The following ZNF195 variants were observed in gnomAD, a reference collection of about 807,000 sequenced individuals.
ZNF195 encodes zinc finger protein 195, also known as hypoxia-regulated factor-1.
ZNF195 carries 11 observed loss-of-function variants against 19.5 expected under a neutral mutation model. That is an observed-to-expected ratio of 0.57 (90% CI 0.36 to 0.94). The LOEUF (loss-of-function observed/expected upper bound fraction) is 0.94. Ranked by LOEUF, ZNF195 falls within the 40% of genes least tolerant of loss-of-function variation. The probability of loss-of-function intolerance (pLI) is 0.01; values close to 1 mark genes in which losing one functional copy is unlikely to be tolerated. For synonymous variants in ZNF195, 214 were observed against 248.1 expected, an observed-to-expected ratio of 0.86 and a Z score of 1.29; for missense variants, 582 against 709.0, an observed-to-expected ratio of 0.82 and a Z score of 2.03.
At chr11:3,377,620 T>C in intron 1 of ZNF195, 2 of 1,227,880 alleles carry the variant, frequency 1.6e-6, no homozygotes, top group Admixed American at 2.7e-5. Context: ...TGGTTACCTC[T>C]TTAGAGGAAG....
At chr11:3,361,719 A>G (rs1390194117) in intron 4 of ZNF195, 24 bp downstream of exon 4, 2 of 1,300,450 alleles carry the variant, frequency 1.5e-6, no homozygotes, top group East Asian at 1.1e-4. Flanking sequence ...GTGAAAAGCA[A>G]GGTACATGCT....
chr11:3,366,473 A>G (rs1848891539), intron 3 of ZNF195, among the ~76,000 whole-genome samples: 1 of 152,068 alleles, frequency 6.6e-6, no homozygotes, highest in African/African-American at 2.4e-5. Flanking sequence ...CAGAGTATAT[A>G]AGGAACTTTT....
rs145182698 is a variant in ZNF195, at chr11:3,362,023, C to T, written c.227-134G>A. The T allele has an allele frequency of 1.7e-3, 742 of 448,228 alleles. 5 individuals are homozygous for T. The highest frequency in any genetic ancestry group is 0.012 in the African/African-American group (622 of 49,846). The allele number at this position is 448,228 out of a possible 1,614,324, so 27.8% of individuals were successfully genotyped here. On this transcript the variant is annotated intron_variant, in intron 3 of 5. Transcript: ENST00000399602. ...GCAGTGAGCCACGATCACACCACTG[C>T]ACTTCCAGCCTGAGTGACAGAATAA...
At position 3,371,808 on chromosome 11, in the gene ZNF195, G is replaced by A. The variant is rs1589815484; in HGVS notation, c.4-105C>T. ...ACAAGTGACTGAAATTATACAATAA[G>A]GTAATTCTTAGCAGAAGAATACTCT... On this transcript the variant is annotated intron_variant, in intron 1 of 5. Coordinates refer to ENST00000399602, the MANE Select transcript of ZNF195 (RefSeq NM_001130520.3). The A allele has an allele frequency of 3.8e-6, 5 of 1,329,760 alleles. No individual in the cohort carries two copies. The East Asian group carries it at 9.4e-5, about 25-fold the overall frequency. The allele number at this position is 1,329,760 out of a possible 1,614,324, so 82.4% of individuals were successfully genotyped here.
intron 3 of ZNF195, among the ~76,000 whole-genome samples, chr11:3,366,493 C>A (rs929687049): frequency 2.0e-5 from 3 of 151,666 alleles, no homozygotes; most frequent in African/African-American, 7.3e-5. Flanking sequence ...TACAACTAAA[C>A]AACAAAAATT....
chr11:3,373,450 A>C, intron 1 of ZNF195: 1 of 748,276 alleles, frequency 1.3e-6, no homozygotes, highest in East Asian at 2.7e-5. Flanking sequence ...TATAAGAAAA[A>C]AAAGTAGTTG....
In ZNF195 at chr11:3,379,076, G is replaced by C; in HGVS notation, c.-36C>G. ...CCAGAGAGCCTGGCGTTTCACTTCTGGATCTCCCGGTGCCTGCGGGTCACA... is the reference window on the plus strand; with the variant it reads ...CCAGAGAGCCTGGCGTTTCACTTCTCGATCTCCCGGTGCCTGCGGGTCACA... On this transcript the variant is annotated 5_prime_UTR_variant, in exon 1 of 6. Transcript: ENST00000399602. The C allele has an allele frequency of 6.7e-7, 1 of 1,493,678 alleles. No homozygotes were observed. The highest frequency in any genetic ancestry group is 9.0e-7 in the Non-Finnish European group (1 of 1,111,494). The allele number at this position is 1,493,678 out of a possible 1,614,324, so 92.5% of individuals were successfully genotyped here.
At position 3,360,113 on chromosome 11, in the gene ZNF195, G is replaced by A. The variant is rs193077243; in HGVS notation, c.895C>T (p.Pro299Ser). The A allele has an allele frequency of 1.1e-5, 17 of 1,614,092 alleles. No individual in the cohort carries two copies. The East Asian group carries it at 3.1e-4, about 30-fold the overall frequency. ...TTGTTACATTCTTGACACTTGTAAG[G>A]TTTCTCTCCAGTGTCAATGTTCTCA... ...EPENIDTGEK[P>S]YKCQECNNVI... is the part of the protein sequence containing the mutation. Residue 299 changes from proline (P) to serine (S), a missense_variant, in exon 6 of 6, where the codon CCT (proline) becomes TCT (serine). Around this residue, in one of 3 missense-constraint regions of ZNF195, gnomAD observed 407 missense variants for 530.5 expected, o/e 0.77. Transcript: ENST00000399602.
At chr11:3,377,590 G>A (rs941713527) in intron 1 of ZNF195, 28 of 1,134,982 alleles carry the variant, frequency 2.5e-5, no homozygotes, top group Non-Finnish European at 3.1e-5. Flanking sequence ...GTTGGGTGAA[G>A]ACAATCTTAA....
At chr11:3,374,800 G>A (rs1244652391) in intron 1 of ZNF195, among the ~76,000 whole-genome samples, 1 of 152,242 alleles carries the variant, frequency 6.6e-6, no homozygotes, top group Non-Finnish European at 1.5e-5. Flanking sequence ...GTAGTGCAAA[G>A]GCACTTTCCA....
rs950242550 is a variant in ZNF195 at position 3,374,091 on chromosome 11, T to C, written c.4-2388A>G. ...CACCCAAACCAATAGGCAGAATCTG[T>C]GAGGGCAAAGGTGAGGGCCTTTTTT... On this transcript the variant is annotated intron_variant, in intron 1 of 5. Transcript: ENST00000399602. Among the ~76,000 whole-genome samples the C allele has an allele frequency of 5.9e-5, 9 of 152,318 alleles. 1 individual carries two copies. The East Asian group carries it at 7.7e-4, about 13-fold the overall frequency.
intron 1 of ZNF195, among the ~76,000 whole-genome samples, chr11:3,374,899 C>T (rs772683378): frequency 2.0e-5 from 3 of 152,212 alleles, no homozygotes; most frequent in African/African-American, 7.2e-5. Flanking sequence ...TACGATGTCT[C>T]TAACAGCGCT....
At chr11:3,372,378 G>C (rs1849253026) in intron 1 of ZNF195, among the ~76,000 whole-genome samples, 2 of 152,226 alleles carry the variant, frequency 1.3e-5, no homozygotes, top group African/African-American at 4.8e-5. Flanking sequence ...AAATCTGTCA[G>C]GGAGCTCTTT....
At chr11:3,374,516 A>G (rs1438568350) in intron 1 of ZNF195, among the ~76,000 whole-genome samples, 1 of 152,252 alleles carries the variant, frequency 6.6e-6, no homozygotes, top group African/African-American at 2.4e-5. Context: ...TGCATTTGGA[A>G]AACAATGTGT....
chr11:3,369,391 A>G (rs1169415133), intron 3 of ZNF195: 9 of 384,754 alleles, frequency 2.3e-5, no homozygotes, highest in South Asian at 5.6e-5. Context: ...TGTGTATATA[A>G]TAACTGAAGG....
At chr11:3,368,247 A>G (rs1394777455) in intron 3 of ZNF195, among the ~76,000 whole-genome samples, 3 of 152,250 alleles carry the variant, frequency 2.0e-5, no homozygotes, top group Non-Finnish European at 4.4e-5. Context: ...ATGGTGACAT[A>G]GGTGGACCCT....
intron 3 of ZNF195, chr11:3,362,176 G>A (rs1848667231): frequency 3.8e-6 from 1 of 261,418 alleles, no homozygotes; most frequent in South Asian, 3.7e-5. Context: ...AAAAAATAAA[G>A]GCTTTCTAAC....
chr11:3,366,263 C>CAAAAAAAA (rs35338297), intron 3 of ZNF195, among the ~76,000 whole-genome samples: 1 of 88,984 alleles, frequency 1.1e-5, no homozygotes, highest in Non-Finnish European at 2.1e-5. Context: ...GACTCCATCT[C>CAAAAAAAA]AAAAAAAAAA....
In ZNF195 at chr11:3,379,145, G is replaced by A; in HGVS notation, c.-105C>T. The A allele has an allele frequency of 1.5e-6, 2 of 1,366,624 alleles. No homozygotes were observed. The highest frequency in any genetic ancestry group is 9.6e-7 in the Non-Finnish European group (1 of 1,042,148). The allele number at this position is 1,366,624 out of a possible 1,614,324, so 84.7% of individuals were successfully genotyped here. Reference sequence around the variant, plus strand: ...GGACACAGAGCCGCGGGGACAGGAAGTGGAGCTCTGTCGGGACAAAGGCCC... The same window carrying A: ...GGACACAGAGCCGCGGGGACAGGAAATGGAGCTCTGTCGGGACAAAGGCCC... On this transcript the variant is annotated 5_prime_UTR_variant, in exon 1 of 6. Transcript: ENST00000399602.
Sources: gnomAD v4.1 joint callset for allele counts (sites outside exome capture counted in the v4.1 genomes callset) on GRCh38, gnomAD v4.1.1 for gene constraint, gnomAD v4.1.1 regional missense constraint, MANE v1.5 for transcripts, NCBI Gene and HGNC (gene_info 2026-07-23, HGNC 2026-07-21) for gene names.